The following RPS6KC1 variants were observed in gnomAD, a reference collection of about 807,000 sequenced individuals.
RPS6KC1 encodes the protein ribosomal protein S6 kinase C1.
In RPS6KC1, 54 loss-of-function variants were observed where a neutral mutation model predicts 103.8. That is an observed-to-expected ratio of 0.52 (90% CI 0.42 to 0.65). The LOEUF is 0.65. Among genes scored for constraint, RPS6KC1 ranks in the 30% least tolerant of loss-of-function variants. The pLI, the probability that RPS6KC1 is intolerant of heterozygous loss-of-function variation, is 0.00. For synonymous variants in RPS6KC1, 439 were observed against 438.7 expected (o/e 1.00, Z -0.01); for missense variants, 1,151 against 1,253.8 (o/e 0.92, Z 1.24).
the RPS6KC1 span, among the ~76,000 whole-genome samples, chr1:213,313,723 G>GGGAGGC: frequency 6.6e-6 from 1 of 152,210 alleles, no homozygotes. Flanking sequence ...CCAGCACTTT[G>GGGAGGC]GGAGGCCAAG....
At chr1:213,845,122 T>G in the RPS6KC1 span, among the ~76,000 whole-genome samples, 3 of 151,990 alleles carry the variant, frequency 2.0e-5, no homozygotes, top group Non-Finnish European at 4.4e-5. Context: ...GTAAACCTCT[T>G]TAACAAAATA....
At chr1:213,067,678 C>T (rs558513351) in intron 1 of RPS6KC1, among the ~76,000 whole-genome samples, 12 of 152,292 alleles carry the variant, frequency 7.9e-5, no homozygotes, top group Non-Finnish European at 1.6e-4. Context: ...TCCCACCCCA[C>T]CACTGTGTAC....
chr1:213,694,850 T>C, the RPS6KC1 span, among the ~76,000 whole-genome samples: 3 of 152,318 alleles, frequency 2.0e-5, no homozygotes, highest in Non-Finnish European at 1.5e-5. Flanking sequence ...TTGTTGAACA[T>C]CTACTGCATT....
At chr1:213,226,147 C>T (rs571392331) in intron 8 of RPS6KC1, among the ~76,000 whole-genome samples, 3 of 150,668 alleles carry the variant, frequency 2.0e-5, no homozygotes, top group African/African-American at 7.3e-5. Flanking sequence ...GGCGTGAACC[C>T]GGGAGGCAGA....
chr1:213,336,356 C>T, the RPS6KC1 span, among the ~76,000 whole-genome samples: 1 of 152,152 alleles, frequency 6.6e-6, no homozygotes, highest in African/African-American at 2.4e-5. Context: ...TAAGTATGGC[C>T]TAAGGTTCCG....
chr1:213,205,547 G>GATATAT lies in RPS6KC1; in HGVS notation c.1045-24935_1045-24930dup, dbSNP rs764745657. On this transcript the variant is annotated intron_variant, in intron 8 of 14. Transcript: ENST00000366960. The stretch of plus-strand genomic sequence containing the variant: ...AACAACAAACTCATTTATATATATA[G>GATATAT]ATATATATATATATATATATTTCAA... 4.7e-4 allele frequency among the ~76,000 whole-genome samples: 48 copies of GATATAT among 102,468 alleles called. 6 individuals are homozygous for GATATAT. Among genetic ancestry groups the GATATAT allele is most frequent in the African/African-American group, 1.7e-3 (47 of 27,342 alleles). The allele number at this position is 102,468 out of a possible 152,430, so 67.2% of individuals were successfully genotyped here. A position where few individuals can be genotyped will look rare whatever the true frequency, so the allele number is the denominator to read the frequency against.
At chr1:213,833,339 G>A in the RPS6KC1 span, among the ~76,000 whole-genome samples, 15 of 152,076 alleles carry the variant, frequency 9.9e-5, no homozygotes, top group African/African-American at 2.7e-4. Flanking sequence ...GAGGTTATAC[G>A]GTCTTCAAAG....
At chr1:213,258,163 A>G (rs1339952448) in intron 12 of RPS6KC1, among the ~76,000 whole-genome samples, 3 of 151,910 alleles carry the variant, frequency 2.0e-5, no homozygotes, top group Non-Finnish European at 2.9e-5. Context: ...TTGTATTTTT[A>G]GTAGAGACGG....
the RPS6KC1 span, among the ~76,000 whole-genome samples, chr1:213,529,113 T>C: frequency 6.6e-6 from 1 of 151,732 alleles, no homozygotes; most frequent in East Asian, 1.9e-4. Flanking sequence ...GAGACCGACA[T>C]GAATCAATTA....
the RPS6KC1 span, among the ~76,000 whole-genome samples, chr1:213,641,285 G>A: frequency 1.3e-5 from 2 of 151,736 alleles, no homozygotes; most frequent in Admixed American, 6.6e-5. Flanking sequence ...TTCTATATGA[G>A]TTAAAAATTT....
chr1:213,524,046 G>T, the RPS6KC1 span, among the ~76,000 whole-genome samples: 3 of 152,134 alleles, frequency 2.0e-5, no homozygotes, highest in Non-Finnish European at 2.9e-5. Flanking sequence ...GACAGAAAGA[G>T]GAAGCCCCGG....
the RPS6KC1 span, among the ~76,000 whole-genome samples, chr1:213,348,164 C>T: frequency 1.2e-3 from 183 of 152,070 alleles, 2 homozygotes; most frequent in East Asian, 3.5e-3. Context: ...TGTACATTTC[C>T]GGGCCCAAGA....
chr1:213,284,262 A>C, the RPS6KC1 span, among the ~76,000 whole-genome samples: 5 of 152,248 alleles, frequency 3.3e-5, no homozygotes, highest in Non-Finnish European at 7.3e-5. Flanking sequence ...CATGCCTGTA[A>C]TACCAACACT....
At chr1:213,286,208 A>G in the RPS6KC1 span, among the ~76,000 whole-genome samples, 2 of 152,322 alleles carry the variant, frequency 1.3e-5, no homozygotes, top group South Asian at 2.1e-4. Context: ...AATATTTCCT[A>G]GTTTATCCTA....
At chr1:213,070,427 G>A (rs1011666883) in intron 1 of RPS6KC1, among the ~76,000 whole-genome samples, 2 of 152,088 alleles carry the variant, frequency 1.3e-5, no homozygotes, top group African/African-American at 2.4e-5. Context: ...TTAATTTTTA[G>A]TATTGTTAAA....
the RPS6KC1 span, among the ~76,000 whole-genome samples, chr1:213,626,028 T>C: frequency 2.8e-4 from 42 of 152,316 alleles, no homozygotes; most frequent in African/African-American, 9.4e-4. Context: ...ATGGTTGAAG[T>C]AGTTCACAGT....
chr1:213,628,293 C>T, the RPS6KC1 span, among the ~76,000 whole-genome samples: 3 of 152,054 alleles, frequency 2.0e-5, no homozygotes, highest in Non-Finnish European at 4.4e-5. Flanking sequence ...TTTATTGCAT[C>T]TATTTAATTC....
At chr1:213,283,206 C>G in the RPS6KC1 span, among the ~76,000 whole-genome samples, 2 of 152,158 alleles carry the variant, frequency 1.3e-5, no homozygotes, top group Non-Finnish European at 2.9e-5. Context: ...AGGCCTGTGA[C>G]AGACTGAGGG....
At chr1:213,385,195 C>T in the RPS6KC1 span, among the ~76,000 whole-genome samples, 8 of 152,134 alleles carry the variant, frequency 5.3e-5, no homozygotes, top group African/African-American at 1.7e-4. Flanking sequence ...AGGTGGTGTC[C>T]GGGCCCTTTA....
Sources: allele counts gnomAD v4.1 joint callset (sites outside exome capture counted in the v4.1 genomes callset), GRCh38; gene constraint gnomAD v4.1.1; transcripts MANE v1.5; gene names NCBI Gene and HGNC (gene_info 2026-07-23, HGNC 2026-07-21).